The following WDR27 variants were observed in gnomAD, a reference collection of about 807,000 sequenced individuals.
WDR27 encodes WD repeat domain 27, also known as WD repeat-containing protein 27.
A neutral mutation model predicts 114.4 loss-of-function variants in WDR27; 100 were observed. The observed-to-expected ratio is 0.87, with a 90% confidence interval of 0.74 to 1.03. The LOEUF (loss-of-function observed/expected upper bound fraction) is 1.03, where lower values mean the gene tolerates loss of function less well. Among genes scored for constraint, WDR27 ranks in the 50% least tolerant of loss-of-function variants. The probability of loss-of-function intolerance (pLI) is 0.00; values close to 1 mark genes in which losing one functional copy is unlikely to be tolerated. For synonymous variants in WDR27, 449 were observed against 423.1 expected, an observed-to-expected ratio of 1.06 and a Z score of -0.75; for missense variants, 1,129 against 1,092.9, an observed-to-expected ratio of 1.03 and a Z score of -0.47.
intron 18 of WDR27, among the ~76,000 whole-genome samples, chr6:169,637,624 A>G (rs1294548363): frequency 3.3e-5 from 5 of 151,542 alleles, no homozygotes; most frequent in Admixed American, 2.6e-4. Flanking sequence ...TGTGGCAAGT[A>G]TGTAAGCATG....
At chr6:169,667,952 CG>C in intron 5 of WDR27, 29 bp downstream of exon 5, 1 of 1,589,160 alleles carries the variant, frequency 6.3e-7, no homozygotes, top group Non-Finnish European at 8.6e-7. Flanking sequence ...ACGTGCCACG[CG>C]GGAACGCCAT....
At position 169,659,460 on chromosome 6, in the gene WDR27, C is replaced by A; in HGVS notation, c.1188G>T (p.Ala396=). ...GCGTCTCAGGACTGACCTTTTGATC[C>A]GCAGTGCGGTTCCTCAGGGCACACG... The part of the protein sequence containing the change: ...AGSCALRNRT[A]DQKVLCLLAS... Residue 396 remains alanine (A), a synonymous_variant, in exon 11 of 26, where the codon GCG becomes GCT. Coordinates refer to ENST00000448612, the MANE Select transcript of WDR27 (RefSeq NM_182552.5). The surrounding 1 kb of genome is among the most constrained non-coding windows in gnomAD (Gnocchi z 4.3). The A allele has an allele frequency of 6.2e-7, 1 of 1,608,656 alleles. No individual in the cohort carries two copies. Among genetic ancestry groups the A allele is most frequent in the African/African-American group, 1.3e-5 (1 of 74,980 alleles).
intron 25 of WDR27, among the ~76,000 whole-genome samples, chr6:169,564,416 C>T (rs1244870287): frequency 1.3e-5 from 2 of 152,228 alleles, no homozygotes; most frequent in Non-Finnish European, 2.9e-5. Context: ...CAGGACAATA[C>T]TTTGCGTCCT....
In WDR27 at chr6:169,702,006, C is replaced by T. The variant is rs766055937; in HGVS notation, c.-463G>A. ...CTCGCCGCTATGGTTACTTGCCAGC[C>T]GACCCACGCGAGCCGCTATGGTTAC... On this transcript the variant is annotated 5_prime_UTR_variant, in exon 1 of 26. Transcript: ENST00000448612. 6 of 424,718 alleles carry T rather than the reference C, an allele frequency of 1.4e-5. No individual in the cohort carries two copies. The highest frequency in any genetic ancestry group is 4.1e-5 in the African/African-American group (2 of 49,234). The allele number at this position is 424,718 out of a possible 1,614,324, so 26.3% of individuals were successfully genotyped here. A position where few individuals can be genotyped will look rare whatever the true frequency, so the allele number is the denominator to read the frequency against.
Position 169,670,438 on chromosome 6 carries a change from C to T in WDR27, c.456+131G>A, listed in dbSNP as rs1778398239. The T allele has an allele frequency of 4.1e-6, 4 of 969,934 alleles. No individual in the cohort carries two copies. In the Admixed American group the frequency reaches 1.2e-4, roughly 29 times the overall value. The allele number at this position is 969,934 out of a possible 1,614,324, so 60.1% of individuals were successfully genotyped here. On this transcript the variant is annotated intron_variant, in intron 4 of 25. Transcript: ENST00000448612. The stretch of plus-strand genomic sequence containing the variant: ...AAAGATATGATTTTATAAAAGTAAA[C>T]TAAATTGAAGATATAGCTTAAAAAA...
Position 169,643,718 on chromosome 6 carries a change from C to A in WDR27, c.1726G>T (p.Gly576Trp). 6.2e-7 allele frequency: 1 copy of A among 1,613,632 alleles called. No individual in the cohort carries two copies. The highest frequency in any genetic ancestry group is 8.5e-7 in the Non-Finnish European group (1 of 1,179,716). Residue 576 changes from glycine to tryptophan, a missense_variant, in exon 17 of 26, where the codon GGG (glycine) becomes TGG (tryptophan). Coordinates refer to ENST00000448612, the MANE Select transcript of WDR27 (RefSeq NM_182552.5). Reference protein sequence around the residue: ...LLLVFDASLTGTPAVFSGHDG... With the variant: ...LLLVFDASLTWTPAVFSGHDG... ...TTACCTGAAAACACAGCAGGTGTCC[C>A]AGTCAGGCTGGCATCAAAAACGAGT...
intron 25 of WDR27, among the ~76,000 whole-genome samples, chr6:169,531,064 T>C (rs769785418): frequency 3.9e-5 from 6 of 152,228 alleles, no homozygotes; most frequent in Non-Finnish European, 5.9e-5. Context: ...TTAAGGTCCA[T>C]GAAAACAGAA....
the WDR27 span, among the ~76,000 whole-genome samples, chr6:169,429,449 A>C: frequency 1.5e-5 from 2 of 131,744 alleles, no homozygotes; most frequent in Admixed American, 7.4e-5. Flanking sequence ...TTTTTTTCCC[A>C]ACTGAGAAGT....
rs1782490857 is a variant in WDR27, at chr6:169,684,832, A to C, written c.189+3985T>G. ...AAACAGCCCCAGGAGCTGCCCCAGC[A>C]GATATGTCCCCACGCTGGCCAAGCA... On this transcript the variant is annotated intron_variant, in intron 2 of 25. Coordinates refer to ENST00000448612, the MANE Select transcript of WDR27 (RefSeq NM_182552.5). The surrounding 1 kb of genome is among the most constrained non-coding windows in gnomAD (Gnocchi z 4.3). Among the ~76,000 whole-genome samples the C allele has an allele frequency of 6.6e-6, 1 of 152,218 alleles. No individual in the cohort carries two copies. The highest frequency in any genetic ancestry group is 2.4e-5 in the African/African-American group (1 of 41,468).
At chr6:169,661,269 T>C (rs1280626013) in intron 9 of WDR27, among the ~76,000 whole-genome samples, 1 of 152,186 alleles carries the variant, frequency 6.6e-6, no homozygotes, top group African/African-American at 2.4e-5. Flanking sequence ...ACTGCTCAGG[T>C]AGCCTCCGAG....
chr6:169,540,125 T>C (rs890066539), intron 25 of WDR27, among the ~76,000 whole-genome samples: 3 of 152,216 alleles, frequency 2.0e-5, no homozygotes, highest in African/African-American at 7.2e-5. Flanking sequence ...TTTGCTTGTG[T>C]AAAATTATTC....
At position 169,511,263 on chromosome 6, in the gene WDR27, A is replaced by G. The variant is rs182635188; in HGVS notation, c.2646-53629T>C. Among the ~76,000 whole-genome samples, 416 of 152,342 alleles carry G rather than the reference A, an allele frequency of 2.7e-3. 4 individuals are homozygous for G. Among genetic ancestry groups the G allele is most frequent in the Admixed American group, 0.014 (207 of 15,302 alleles). On this transcript the variant is annotated intron_variant, in intron 25 of 25. Transcript: ENST00000448612. ...ATCTTAACAGGCAAATATCAAGTGTAAAATCTAATACCATTCTCTGAATGT... is the reference window on the plus strand; with the variant it reads ...ATCTTAACAGGCAAATATCAAGTGTGAAATCTAATACCATTCTCTGAATGT...
chr6:169,527,467 C>T (rs766030799), intron 25 of WDR27, among the ~76,000 whole-genome samples: 2 of 152,064 alleles, frequency 1.3e-5, no homozygotes, highest in Non-Finnish European at 1.5e-5. Context: ...CTAGATGATT[C>T]GGGAGTGGGG....
chr6:169,612,613 G>A (rs896916278), intron 22 of WDR27, among the ~76,000 whole-genome samples: 14 of 136,596 alleles, frequency 1.0e-4, no homozygotes, highest in African/African-American at 3.6e-4. Flanking sequence ...GGGTGACAGA[G>A]CGAGACTCTG....
intron 1 of WDR27, among the ~76,000 whole-genome samples, chr6:169,690,936 C>T (rs1462646085): frequency 6.6e-6 from 1 of 152,144 alleles, no homozygotes; most frequent in Admixed American, 6.5e-5. Flanking sequence ...TCAAAAGAGG[C>T]CGGGCACGGT....
chr6:169,546,974 T>C (rs1187717548), intron 25 of WDR27, among the ~76,000 whole-genome samples: 1 of 151,894 alleles, frequency 6.6e-6, no homozygotes, highest in East Asian at 1.9e-4. Context: ...AAATTACTAA[T>C]ATGAGAAATG....
intron 2 of WDR27, among the ~76,000 whole-genome samples, chr6:169,685,782 C>G (rs976199871): frequency 5.9e-5 from 9 of 152,242 alleles, no homozygotes; most frequent in Middle Eastern, 3.4e-3. Context: ...GTGAGGAAGA[C>G]ATATTTAATA....
intron 22 of WDR27, among the ~76,000 whole-genome samples, chr6:169,611,052 C>T (rs1162814344): frequency 6.6e-6 from 1 of 152,000 alleles, no homozygotes; most frequent in Admixed American, 6.6e-5. Flanking sequence ...GAAATAAAAA[C>T]AATTAAATAA....
At chr6:169,637,836 T>C (rs1253626868) in intron 18 of WDR27, among the ~76,000 whole-genome samples, 1 of 151,968 alleles carries the variant, frequency 6.6e-6, no homozygotes, top group African/African-American at 2.4e-5. Flanking sequence ...TGCGTATGTG[T>C]ATGCATCTAC....
Sources: allele counts gnomAD v4.1 joint callset (sites outside exome capture counted in the v4.1 genomes callset), GRCh38; gene constraint gnomAD v4.1.1; non-coding constraint Gnocchi (gnomAD v3.1); transcripts MANE v1.5; gene names NCBI Gene and HGNC (gene_info 2026-07-23, HGNC 2026-07-21).